The following PCDHGB1 variants were observed in gnomAD, a reference collection of about 807,000 sequenced individuals.
PCDHGB1 encodes the protein protocadherin gamma-B1.
A neutral mutation model predicts 56.6 loss-of-function variants in PCDHGB1; 34 were observed. That is an observed-to-expected ratio of 0.60 (90% confidence interval 0.46 to 0.80). The LOEUF (loss-of-function observed/expected upper bound fraction) is 0.80. Among genes scored for constraint, PCDHGB1 ranks in the 30% least tolerant of loss-of-function variants. The pLI is 0.00. For missense variants in PCDHGB1, 1,278 were observed against 1,204.6 expected, an observed-to-expected ratio of 1.06 and a Z score of -0.90; for synonymous variants, 561 against 505.9, an observed-to-expected ratio of 1.11 and a Z score of -1.46.
chr5:141,419,175 C>T (rs185228661), intron 1 of PCDHGB1: 2 of 1,613,966 alleles, frequency 1.2e-6, no homozygotes, highest in Non-Finnish European at 1.7e-6. Flanking sequence ...AAAACCATAA[C>T]CCTGCACATT....
intron 1 of PCDHGB1, chr5:141,426,867 G>A (rs1436078091): frequency 4.4e-6 from 2 of 456,708 alleles, no homozygotes; most frequent in Non-Finnish European, 8.8e-6. Flanking sequence ...ATTAGTGCTG[G>A]AGAAGCCCCT....
chr5:141,425,394 G>C (rs186813737), intron 1 of PCDHGB1, among the ~76,000 whole-genome samples: 2 of 152,184 alleles, frequency 1.3e-5, no homozygotes, highest in Non-Finnish European at 2.9e-5. Context: ...TAGTGATAAA[G>C]TTCTGTTAAG....
chr5:141,410,849 C>CTTTTTTTTCTTTTT (rs2095433387), intron 1 of PCDHGB1: 1 of 129,786 alleles, frequency 7.7e-6, no homozygotes, highest in African/African-American at 6.0e-5. Flanking sequence ...TTGTCTTTGT[C>CTTTTTTTTCTTTTT]TTTTTTTTTT....
chr5:141,372,173 G>T, intron 1 of PCDHGB1: 1 of 1,613,722 alleles, frequency 6.2e-7, no homozygotes, highest in Non-Finnish European at 8.5e-7. Context: ...AGGTGGTGGC[G>T]GTGGACGCAG....
At chr5:141,387,655 C>T (rs2091029456) in intron 1 of PCDHGB1, 1 of 644,664 alleles carries the variant, frequency 1.6e-6, no homozygotes, top group Admixed American at 3.3e-5. Context: ...AAGTGGAGAG[C>T]TTGGCGCTCC....
chr5:141,403,405 T>A, intron 1 of PCDHGB1: 4 of 1,614,060 alleles, frequency 2.5e-6, no homozygotes, highest in Non-Finnish European at 3.4e-6. Flanking sequence ...CTGGAGCACG[T>A]TATCCACTTC....
intron 1 of PCDHGB1, chr5:141,395,454 C>T (rs75588357): frequency 0.043 from 25,805 of 605,332 alleles, 669 homozygotes; most frequent in South Asian, 0.075. Flanking sequence ...ATTGTTCAAC[C>T]ATTTTAAGCC....
chr5:141,389,281 G>A (rs768749414), intron 1 of PCDHGB1: 3 of 1,614,012 alleles, frequency 1.9e-6, no homozygotes, highest in South Asian at 2.2e-5. Context: ...AACCCGCCTG[G>A]AGCCTCTATT....
At chr5:141,419,432 C>T (rs2096381830) in intron 1 of PCDHGB1, 1 of 1,613,278 alleles carries the variant, frequency 6.2e-7, no homozygotes, top group East Asian at 2.2e-5. Flanking sequence ...CCACGAGCAG[C>T]TGCGCACCTT....
intron 1 of PCDHGB1, chr5:141,378,952 A>C (rs1276367452): frequency 6.6e-6 from 1 of 152,232 alleles, no homozygotes; most frequent in East Asian, 1.9e-4. Flanking sequence ...AATGGAGTAC[A>C]GGGGATTCTC....
intron 1 of PCDHGB1, among the ~76,000 whole-genome samples, chr5:141,424,873 A>G (rs549945556): frequency 3.9e-5 from 6 of 152,198 alleles, no homozygotes; most frequent in Non-Finnish European, 8.8e-5. Context: ...CAAATGAGGA[A>G]AGGAGACTTA....
intron 1 of PCDHGB1, chr5:141,419,158 C>T (rs757849297): frequency 5.0e-6 from 8 of 1,613,950 alleles, no homozygotes; most frequent in Admixed American, 1.7e-5. Context: ...CTCCGTTATC[C>T]TCCAGCAAAA....
intron 1 of PCDHGB1, chr5:141,428,113 T>G: frequency 3.7e-6 from 6 of 1,607,492 alleles, no homozygotes; most frequent in Non-Finnish European, 5.1e-6. Context: ...CTGCAGGCCA[T>G]CGAGCCCGGG....
At chr5:141,398,983 C>T (rs2093734558) in intron 1 of PCDHGB1, 1 of 1,613,944 alleles carries the variant, frequency 6.2e-7, no homozygotes. Context: ...CAGAACCGGG[C>T]AAATCTTTAG....
Position 141,491,897 on chromosome 5 carries a change from C to G in PCDHGB1, c.2410-2910C>G. The stretch of plus-strand genomic sequence containing the variant: ...GATTAAGGGATGGGGCTCCGAGCAC[C>G]GGGGGTGGTGGCGACTGTGGGCGAG... On this transcript the variant is annotated intron_variant, in intron 1 of 3. Transcript: ENST00000523390. This position sits in a 1 kb window ranked among gnomAD's most constrained non-coding sequence, Gnocchi z 6.9. 7 of 1,432,534 alleles carry G rather than the reference C, an allele frequency of 4.9e-6. No homozygotes were observed. The highest frequency in any genetic ancestry group is 6.5e-6 in the Non-Finnish European group (7 of 1,082,898). 88.7% of individuals were successfully genotyped at this position (1,432,534 alleles called of 1,614,324 possible).
At chr5:141,353,277 G>A (rs1759234341) in intron 1 of PCDHGB1, among the ~76,000 whole-genome samples, 1 of 152,218 alleles carries the variant, frequency 6.6e-6, no homozygotes, top group South Asian at 2.1e-4. Context: ...ATATTTTCAA[G>A]TCATTTTATT....
intron 1 of PCDHGB1, among the ~76,000 whole-genome samples, chr5:141,461,980 C>G (rs759291534): frequency 9.2e-5 from 14 of 152,176 alleles, no homozygotes; most frequent in Non-Finnish European, 1.5e-4. Flanking sequence ...TATGCCACCA[C>G]GCCAGGCTAA....
chr5:141,350,847 C>A lies in PCDHGB1; in HGVS notation c.587C>A (p.Pro196His). ...SKYPVLLLEK[P>H]LDREHQSSHR... ...TATCCGGTATTACTGCTGGAAAAAC[C>A]TCTAGACAGGGAACATCAGAGCTCT... Residue 196 changes from proline to histidine, a missense_variant, in exon 1 of 4, where the codon CCT becomes CAT. Physicochemically the swap from Pro to His is moderately conservative, Grantham distance 77. Coordinates refer to ENST00000523390, the MANE Select transcript of PCDHGB1 (RefSeq NM_018922.3). 1 of 1,614,046 alleles carries A rather than the reference C, an allele frequency of 6.2e-7. No individual in the cohort carries two copies. The highest frequency in any genetic ancestry group is 8.5e-7 in the Non-Finnish European group (1 of 1,179,896).
intron 1 of PCDHGB1, among the ~76,000 whole-genome samples, chr5:141,452,579 A>G (rs1320327475): frequency 6.6e-6 from 1 of 151,944 alleles, no homozygotes; most frequent in Non-Finnish European, 1.5e-5. Context: ...CCCCCTTTCC[A>G]TCTTTGTATT....
Sources: gnomAD v4.1 joint callset for allele counts (sites outside exome capture counted in the v4.1 genomes callset) on GRCh38, gnomAD v4.1.1 for gene constraint, Gnocchi (gnomAD v3.1) non-coding constraint, MANE v1.5 for transcripts, NCBI Gene and HGNC (gene_info 2026-07-23, HGNC 2026-07-21) for gene names.